DAB2IP: variants seen among roughly 807,000 people sequenced by gnomAD.
The protein encoded by DAB2IP is DAB2 interacting protein, also known as disabled homolog 2-interacting protein.
DAB2IP carries 28 observed loss-of-function variants against 107.2 expected under a neutral mutation model. The observed-to-expected ratio is 0.26, with a 90% CI of 0.19 to 0.36. DAB2IP has a LOEUF of 0.36. Among genes scored for constraint, DAB2IP ranks in the 10% least tolerant of loss-of-function variants. DAB2IP has a pLI of 1.00. For synonymous variants in DAB2IP, 755 were observed against 706.4 expected (o/e 1.07, Z -1.09); for missense variants, 1,400 against 1,644.7 (o/e 0.85, Z 2.57).
intron 3 of DAB2IP, among the ~76,000 whole-genome samples, chr9:121,708,934 C>T (rs1305238228): frequency 2.0e-5 from 3 of 152,282 alleles, no homozygotes; most frequent in East Asian, 3.9e-4. Flanking sequence ...GGAGGCCAGG[C>T]ACCTGCTAGG....
At chr9:121,767,442 G>C (rs1243913885) in intron 9 of DAB2IP, among the ~76,000 whole-genome samples, 2 of 152,158 alleles carry the variant, frequency 1.3e-5, no homozygotes, top group Non-Finnish European at 2.9e-5. Flanking sequence ...CTTGTTGGGA[G>C]AGGAGACAGG....
At chr9:121,611,126 C>A (rs963956007) in intron 1 of DAB2IP, among the ~76,000 whole-genome samples, 2 of 152,136 alleles carry the variant, frequency 1.3e-5, no homozygotes, top group Non-Finnish European at 2.9e-5. Flanking sequence ...CAGGTGCCTG[C>A]CACCACGCCC....
intron 1 of DAB2IP, among the ~76,000 whole-genome samples, chr9:121,644,044 G>A (rs1489639857): frequency 6.6e-6 from 1 of 152,136 alleles, no homozygotes; most frequent in African/African-American, 2.4e-5. Context: ...TGGCACACAC[G>A]CCTGTAGTCC....
At chr9:121,783,750 G>T in exon 16 of DAB2IP, 1 of 689,324 alleles carries the variant, frequency 1.5e-6, no homozygotes, top group Non-Finnish European at 2.5e-6. Context: ...CTGCATACAG[G>T]GGAGGGGCGC....
At chr9:121,583,565 C>A (rs890306079) in intron 1 of DAB2IP, among the ~76,000 whole-genome samples, 2 of 151,988 alleles carry the variant, frequency 1.3e-5, no homozygotes, top group South Asian at 2.1e-4. Context: ...CAGCTCAGTG[C>A]CCCAGAGGCA....
At chr9:121,730,997 C>G (rs961319672) in intron 3 of DAB2IP, among the ~76,000 whole-genome samples, 1 of 152,186 alleles carries the variant, frequency 6.6e-6, no homozygotes. Context: ...GCTTGGACAT[C>G]GTTCTCTCCA....
At chr9:121,627,745 A>T (rs958762756) in intron 1 of DAB2IP, among the ~76,000 whole-genome samples, 1 of 152,210 alleles carries the variant, frequency 6.6e-6, no homozygotes, top group Non-Finnish European at 1.5e-5. Flanking sequence ...TTGCACTTTC[A>T]TGCACATGTA....
intron 1 of DAB2IP, among the ~76,000 whole-genome samples, chr9:121,590,329 T>C (rs1830400563): frequency 6.6e-6 from 1 of 151,012 alleles, no homozygotes; most frequent in Non-Finnish European, 1.5e-5. Context: ...TGCTCCAGGG[T>C]CTTGTGGGCC....
intron 1 of DAB2IP, among the ~76,000 whole-genome samples, chr9:121,622,579 C>T (rs543355980): frequency 5.8e-4 from 89 of 152,276 alleles, no homozygotes; most frequent in African/African-American, 1.9e-3. Context: ...GCCCTCGTGT[C>T]GGGGCTCTGC....
intron 1 of DAB2IP, among the ~76,000 whole-genome samples, chr9:121,578,437 G>A (rs933323538): frequency 2.0e-5 from 3 of 151,918 alleles, no homozygotes; most frequent in African/African-American, 7.3e-5. Context: ...ACTTGGCTGA[G>A]GGCCTACCGT....
Position 121,685,344 on chromosome 9 carries a change from C to T in DAB2IP, c.228+6563C>T, listed in dbSNP as rs998064090. ...GCCAGGGTGGGGCAAGGATGTTCTT[C>T]GGGGCAGGAGTCTGGGGACAGGGGG... On this transcript the variant is annotated intron_variant, in intron 2 of 15. Transcript: ENST00000408936. Among the ~76,000 whole-genome samples, 6 of 152,182 alleles carry T rather than the reference C, an allele frequency of 3.9e-5. 1 individual carries two copies. The highest frequency in any genetic ancestry group is 7.3e-5 in the Non-Finnish European group (5 of 68,040).
chr9:121,770,027 C>T (rs1834588653), intron 10 of DAB2IP, among the ~76,000 whole-genome samples: 1 of 152,244 alleles, frequency 6.6e-6, no homozygotes, highest in Admixed American at 6.5e-5. Context: ...TTCTCTAAAG[C>T]GTGCCAGCAA....
At chr9:121,697,190 A>G (rs1267054124) in intron 2 of DAB2IP, among the ~76,000 whole-genome samples, 1 of 152,182 alleles carries the variant, frequency 6.6e-6, no homozygotes, top group African/African-American at 2.4e-5. Flanking sequence ...TAGACGGGAG[A>G]AAACTTTTTT....
At chr9:121,624,981 G>A (rs531350157) in intron 1 of DAB2IP, among the ~76,000 whole-genome samples, 194 of 152,354 alleles carry the variant, frequency 1.3e-3, no homozygotes, top group Middle Eastern at 3.4e-3. Flanking sequence ...CCGGGATCTC[G>A]GAGGCTAAGC....
upstream of DAB2IP, among the ~76,000 whole-genome samples, chr9:121,650,430 G>T (rs1440334859): frequency 2.0e-5 from 3 of 152,186 alleles, no homozygotes; most frequent in South Asian, 4.1e-4. Flanking sequence ...CTGCCCAGAC[G>T]GCCCCGCCCA....
At chr9:121,647,240 T>G (rs546014075), upstream of DAB2IP, among the ~76,000 whole-genome samples, 1 of 152,324 alleles carries the variant, frequency 6.6e-6, no homozygotes, top group East Asian at 1.9e-4. Context: ...CTGTACAGAA[T>G]GGCCCATCAA....
At chr9:121,780,423 G>C (rs963395327) in intron 14 of DAB2IP, among the ~76,000 whole-genome samples, 21 of 152,234 alleles carry the variant, frequency 1.4e-4, no homozygotes, top group African/African-American at 4.3e-4. Flanking sequence ...AACCGGCCCC[G>C]GCACAGTGGC....
At chr9:121,617,272 C>T (rs929724032) in intron 1 of DAB2IP, among the ~76,000 whole-genome samples, 6 of 152,032 alleles carry the variant, frequency 3.9e-5, no homozygotes, top group African/African-American at 9.7e-5. Context: ...TGCAGTGAGC[C>T]GAGATTGGGC....
intron 3 of DAB2IP, chr9:121,737,109 G>T: frequency 1.1e-6 from 1 of 874,666 alleles, no homozygotes; most frequent in Non-Finnish European, 1.4e-6. Context: ...ATATGACCTT[G>T]GGCGGAGTCA....
Sources: allele counts gnomAD v4.1 joint callset (sites outside exome capture counted in the v4.1 genomes callset), GRCh38; gene constraint gnomAD v4.1.1; transcripts MANE v1.5; gene names NCBI Gene and HGNC (gene_info 2026-07-23, HGNC 2026-07-21).